The following MYO1E variants were observed in gnomAD, a reference collection of about 807,000 sequenced individuals.
MYO1E encodes myosin IE.
Under a neutral mutation model 151.1 loss-of-function variants are expected in MYO1E, and 68 were observed. That is an observed-to-expected ratio of 0.45 (90% CI 0.37 to 0.55). MYO1E has a LOEUF of 0.55. MYO1E is among the 20% of genes least tolerant of loss of function. The probability of loss-of-function intolerance (pLI) is 0.00; values close to 1 mark genes in which losing one functional copy is unlikely to be tolerated. For synonymous variants in MYO1E, 601 were observed against 501.7 expected (o/e 1.20, Z -2.64); for missense variants, 1,363 against 1,389.3 (o/e 0.98, Z 0.30).
intron 22 of MYO1E, among the ~76,000 whole-genome samples, chr15:59,169,400 C>T (rs1016108909): frequency 6.6e-6 from 1 of 152,152 alleles, no homozygotes. Flanking sequence ...ACTCTGGGTT[C>T]GATTCTGCAC....
At chr15:59,287,108 T>C (rs2080391859) in intron 1 of MYO1E, among the ~76,000 whole-genome samples, 1 of 151,424 alleles carries the variant, frequency 6.6e-6, no homozygotes, top group African/African-American at 2.5e-5. Context: ...TTTCTTCTGA[T>C]CCATACCTTG....
chr15:59,249,748 C>T (rs1319307337), intron 4 of MYO1E, among the ~76,000 whole-genome samples: 1 of 152,168 alleles, frequency 6.6e-6, no homozygotes, highest in Non-Finnish European at 1.5e-5. Context: ...GAGCAGGCTT[C>T]TCTTCCAGCC....
chr15:59,343,817 C>G (rs575069335), intron 1 of MYO1E, among the ~76,000 whole-genome samples: 8 of 152,198 alleles, frequency 5.3e-5, no homozygotes, highest in African/African-American at 1.7e-4. Flanking sequence ...TTCTTCAGTA[C>G]GTCAATTGCA....
intron 3 of MYO1E, 78 bp from the exon 4 acceptor site, chr15:59,256,456 A>T: frequency 4.0e-6 from 3 of 748,814 alleles, no homozygotes; most frequent in Non-Finnish European, 6.1e-6. Context: ...TCAGATAGGC[A>T]ATACACTCAA....
intron 6 of MYO1E, among the ~76,000 whole-genome samples, chr15:59,229,741 AT>A (rs1426405427): frequency 1.2e-4 from 19 of 152,142 alleles, no homozygotes; most frequent in Non-Finnish European, 2.5e-4. Context: ...ATACCTGTGC[AT>A]TTTTTAAAGT....
chr15:59,307,070 G>A (rs1198332976), intron 1 of MYO1E, among the ~76,000 whole-genome samples: 3 of 152,204 alleles, frequency 2.0e-5, no homozygotes, highest in African/African-American at 7.2e-5. Context: ...CTTCCTGGCA[G>A]GAAAATGAAG....
intron 27 of MYO1E, 29 bp downstream of exon 27, chr15:59,138,169 C>T (rs757972300): frequency 6.2e-7 from 1 of 1,612,508 alleles, no homozygotes; most frequent in Non-Finnish European, 8.5e-7. Flanking sequence ...CTTTGGGAGG[C>T]TGTCCCAGCC....
chr15:59,245,459 A>G (rs2080123934), intron 4 of MYO1E, among the ~76,000 whole-genome samples: 2 of 152,208 alleles, frequency 1.3e-5, no homozygotes, highest in African/African-American at 2.4e-5. Context: ...AATCCCACTG[A>G]TGTACCTTCA....
chr15:59,168,605 C>T (rs761913729), intron 22 of MYO1E, among the ~76,000 whole-genome samples: 4 of 152,048 alleles, frequency 2.6e-5, no homozygotes, highest in African/African-American at 4.8e-5. Context: ...CACCAATTCA[C>T]GGATAATCAC....
intron 23 of MYO1E, among the ~76,000 whole-genome samples, chr15:59,162,212 T>A (rs147665404): frequency 6.6e-6 from 1 of 152,246 alleles, no homozygotes; most frequent in African/African-American, 2.4e-5. Context: ...ATTTTTTTTT[T>A]ATTTTTTACT....
At position 59,161,336 on chromosome 15, in the gene MYO1E, C is replaced by T. The variant is rs16941084; in HGVS notation, c.2628-106G>A. The T allele has an allele frequency of 0.02, 25,088 of 1,265,772 alleles. 336 individuals carry two copies. The highest frequency in any genetic ancestry group is 0.024 in the Non-Finnish European group (21,901 of 917,932). The allele number at this position is 1,265,772 out of a possible 1,614,324, so 78.4% of individuals were successfully genotyped here. A position where few individuals can be genotyped will look rare whatever the true frequency, so the allele number is the denominator to read the frequency against. On this transcript the variant is annotated intron_variant, in intron 23 of 27. Coordinates refer to ENST00000288235, the MANE Select transcript of MYO1E (RefSeq NM_004998.4). ...CTGCTGGAAAAGCATAAACATGAGG[C>T]GAGAACGGACAATCTACACCAGGAG...
At chr15:59,240,015 C>A (rs753967631) in intron 4 of MYO1E, among the ~76,000 whole-genome samples, 23 of 152,232 alleles carry the variant, frequency 1.5e-4, no homozygotes, top group Non-Finnish European at 2.6e-4. Context: ...TTGCATCTCA[C>A]AGCAGTTATT....
intron 1 of MYO1E, among the ~76,000 whole-genome samples, chr15:59,278,743 C>T (rs1284664545): frequency 1.3e-5 from 2 of 152,160 alleles, no homozygotes; most frequent in African/African-American, 4.8e-5. Flanking sequence ...ACAGGGTAGT[C>T]AGTAGCCAAC....
intron 26 of MYO1E, among the ~76,000 whole-genome samples, chr15:59,142,129 T>A (rs2414621): frequency 0.38 from 56,977 of 151,788 alleles, 11,674 homozygotes; most frequent in African/African-American, 0.55. Flanking sequence ...ATTTTTTTTT[T>A]AAGTCTGTAC....
At chr15:59,294,837 G>A (rs1289574978) in intron 1 of MYO1E, among the ~76,000 whole-genome samples, 1 of 152,124 alleles carries the variant, frequency 6.6e-6, no homozygotes, top group Non-Finnish European at 1.5e-5. Flanking sequence ...TCTTTGCATG[G>A]AACATCTGAC....
chr15:59,152,870 A>G (rs2079489928), intron 26 of MYO1E, among the ~76,000 whole-genome samples: 1 of 152,186 alleles, frequency 6.6e-6, no homozygotes, highest in South Asian at 2.1e-4. Context: ...TGCTGTTTAC[A>G]TACGAGGGCA....
intron 4 of MYO1E, 97 bp from the exon 5 acceptor site, chr15:59,236,769 A>G: frequency 2.6e-6 from 3 of 1,161,042 alleles, no homozygotes; most frequent in East Asian, 2.4e-5. Flanking sequence ...AACAAACAAA[A>G]AAACAAAAAA....
At chr15:59,178,288 TG>T (rs1195905472) in intron 19 of MYO1E, 104 bp downstream of exon 19, 8 of 1,412,656 alleles carry the variant, frequency 5.7e-6, no homozygotes, top group Non-Finnish European at 1.9e-6. Context: ...ACAACATTGA[TG>T]GCATGAAGCG....
At chr15:59,315,237 T>C (rs1173178323) in intron 1 of MYO1E, among the ~76,000 whole-genome samples, 1 of 152,128 alleles carries the variant, frequency 6.6e-6, no homozygotes, top group African/African-American at 2.4e-5. Context: ...TAGCTTCCAT[T>C]ACATGTGCCC....
Sources: allele counts gnomAD v4.1 joint callset (sites outside exome capture counted in the v4.1 genomes callset), GRCh38; gene constraint gnomAD v4.1.1; transcripts MANE v1.5; gene names NCBI Gene and HGNC (gene_info 2026-07-23, HGNC 2026-07-21).